Variants in CLEC6A observed in about 807,000 individuals in gnomAD.
CLEC6A encodes C-type lectin domain containing 6A, also known as C-type lectin domain family 6 member A.
CLEC6A carries 22 observed loss-of-function variants against 25.7 expected under a neutral mutation model. The observed-to-expected ratio is 0.85, with a 90% confidence interval of 0.61 to 1.22. The LOEUF (loss-of-function observed/expected upper bound fraction) is 1.22, where lower values mean the gene tolerates loss of function less well. Ranked by LOEUF, CLEC6A falls within the 50% of genes most tolerant of loss-of-function variation. The probability of loss-of-function intolerance (pLI) is 0.00; values close to 1 mark genes in which losing one functional copy is unlikely to be tolerated. For synonymous variants in CLEC6A, 92 were observed against 76.7 expected (o/e 1.20, Z -1.04); for missense variants, 240 against 236.8 (o/e 1.01, Z -0.09).
At chr12:8,476,056 T>A in intron 4 of CLEC6A, 69 bp from the exon 5 acceptor site, 1 of 968,062 alleles carries the variant, frequency 1.0e-6, no homozygotes, top group Non-Finnish European at 1.6e-6. Flanking sequence ...CTGAAGGCTA[T>A]AAGCAACCTT....
chr12:8,477,079 CA>C (rs1256884562), intron 5 of CLEC6A, among the ~76,000 whole-genome samples: 20 of 152,040 alleles, frequency 1.3e-4, no homozygotes, highest in Non-Finnish European at 2.1e-4. Context: ...AAGATGATTG[CA>C]GCGGAAAGAT....
chr12:8,461,014 A>T, intron 3 of CLEC6A: 1 of 1,487,980 alleles, frequency 6.7e-7, no homozygotes, highest in Non-Finnish European at 9.3e-7. Context: ...TTTGGGGGTT[A>T]TCCTCATTGA....
intron 3 of CLEC6A, among the ~76,000 whole-genome samples, chr12:8,462,514 A>G (rs747584854): frequency 7.1e-6 from 1 of 140,916 alleles, no homozygotes; most frequent in African/African-American, 2.6e-5. Context: ...AAACCGCCTT[A>G]GGGCTGGAGG....
intron 4 of CLEC6A, among the ~76,000 whole-genome samples, chr12:8,472,602 GTGGTGCTGT>G (rs1385882343): frequency 9.9e-5 from 15 of 152,244 alleles, no homozygotes; most frequent in African/African-American, 3.1e-4. Flanking sequence ...GGTCTTACCA[GTGGTGCTGT>G]AAACTTTTAA....
intron 4 of CLEC6A, among the ~76,000 whole-genome samples, chr12:8,466,864 G>T (rs1490809694): frequency 6.6e-6 from 1 of 152,084 alleles, no homozygotes; most frequent in African/African-American, 2.4e-5. Flanking sequence ...ATCTTGGTCA[G>T]GCTGGTCTTG....
chr12:8,476,925 T>C (rs1403481088), intron 5 of CLEC6A, among the ~76,000 whole-genome samples: 1 of 152,052 alleles, frequency 6.6e-6, no homozygotes, highest in Non-Finnish European at 1.5e-5. Flanking sequence ...CATCCTAAGA[T>C]TCACTTAAGG....
At chr12:8,461,368 C>A (rs1350221471) in intron 3 of CLEC6A, 3 of 398,338 alleles carry the variant, frequency 7.5e-6, no homozygotes, top group Non-Finnish European at 1.4e-5. Flanking sequence ...ACTGTTTCAA[C>A]AACTAGCATT....
intron 4 of CLEC6A, among the ~76,000 whole-genome samples, chr12:8,467,701 T>G (rs1939850716): frequency 6.6e-6 from 1 of 152,220 alleles, no homozygotes; most frequent in Admixed American, 6.5e-5. Context: ...AACTTTAGAA[T>G]TTTCTTTCTT....
In CLEC6A at chr12:8,476,254, T is replaced by C. The variant is rs1345203608; in HGVS notation, c.485+14T>C. 1 of 1,438,194 alleles carries C rather than the reference T, an allele frequency of 7.0e-7. No homozygotes were observed. Among genetic ancestry groups the C allele is most frequent in the Admixed American group, 1.8e-5 (1 of 55,640 alleles). 89.1% of individuals were successfully genotyped at this position (1,438,194 alleles called of 1,614,324 possible). A position where few individuals can be genotyped will look rare whatever the true frequency, so the allele number is the denominator to read the frequency against. The stretch of plus-strand genomic sequence containing the variant: ...GAAAAATGTCAGGTGAGTGCAGTTC[T>C]GGGGCCTTGTTTACATAGAAAATCT... On this transcript the variant is annotated intron_variant, in intron 5 of 5. Transcript: ENST00000382073.
At chr12:8,462,775 G>A (rs946110996) in intron 3 of CLEC6A, among the ~76,000 whole-genome samples, 3 of 151,890 alleles carry the variant, frequency 2.0e-5, no homozygotes, top group Admixed American at 6.6e-5. Context: ...TATGCTGAAC[G>A]CTGGTTCCCT....
chr12:8,475,705 A>G (rs997227021), intron 4 of CLEC6A, among the ~76,000 whole-genome samples: 1 of 152,134 alleles, frequency 6.6e-6, no homozygotes, highest in Non-Finnish European at 1.5e-5. Context: ...AGGGCAATCT[A>G]CTACTGAGCT....
At chr12:8,464,328 T>C (rs1054982607) in intron 3 of CLEC6A, among the ~76,000 whole-genome samples, 12 of 54,288 alleles carry the variant, frequency 2.2e-4, no homozygotes, top group African/African-American at 6.3e-4. Context: ...AATTTCTTTC[T>C]TTTTCTTTTT....
At chr12:8,476,276 A>G (rs1939973528) in intron 5 of CLEC6A, 36 bp downstream of exon 5, 2 of 1,223,324 alleles carry the variant, frequency 1.6e-6, no homozygotes, top group Non-Finnish European at 2.3e-6. Context: ...TACATAGAAA[A>G]TCTAGGGAAA....
At chr12:8,461,188 G>C in intron 3 of CLEC6A, 1 of 1,117,796 alleles carries the variant, frequency 8.9e-7, no homozygotes, top group Non-Finnish European at 1.3e-6. Flanking sequence ...TCATCTGGCA[G>C]ATTGGAGAAT....
At chr12:8,476,321 T>C in intron 5 of CLEC6A, 81 bp downstream of exon 5, 1 of 777,366 alleles carries the variant, frequency 1.3e-6, no homozygotes, top group Non-Finnish European at 2.2e-6. Flanking sequence ...TTAATATTGG[T>C]AATTATGATA....
intron 5 of CLEC6A, among the ~76,000 whole-genome samples, chr12:8,476,480 A>G (rs1242085388): frequency 1.3e-5 from 2 of 152,140 alleles, no homozygotes; most frequent in Non-Finnish European, 2.9e-5. Flanking sequence ...GAGAAACTGG[A>G]TGTCAACTCC....
intron 4 of CLEC6A, among the ~76,000 whole-genome samples, chr12:8,473,932 T>A (rs767384153): frequency 6.6e-6 from 1 of 152,182 alleles, no homozygotes. Flanking sequence ...GTTTGTTTCT[T>A]GTTTGTTCAA....
chr12:8,466,881 T>G (rs1330755593), intron 4 of CLEC6A, among the ~76,000 whole-genome samples: 5 of 152,204 alleles, frequency 3.3e-5, no homozygotes, highest in Admixed American at 2.6e-4. Context: ...CTTGAACTCC[T>G]GACCTCGTGA....
At chr12:8,472,083 AC>A (rs1939912750) in intron 4 of CLEC6A, among the ~76,000 whole-genome samples, 2 of 152,106 alleles carry the variant, frequency 1.3e-5, no homozygotes, top group Admixed American at 6.6e-5. Context: ...TCAAAAAAAC[AC>A]CTATTCTAGT....
Sources: gnomAD v4.1 joint callset for allele counts (sites outside exome capture counted in the v4.1 genomes callset) on GRCh38, gnomAD v4.1.1 for gene constraint, MANE v1.5 for transcripts, NCBI Gene and HGNC (gene_info 2026-07-23, HGNC 2026-07-21) for gene names.